The following TTLL6 variants were observed in gnomAD, a reference collection of about 807,000 sequenced individuals.
TTLL6 encodes the protein tubulin tyrosine ligase like 6.
A neutral mutation model predicts 96.4 loss-of-function variants in TTLL6; 75 were observed. The ratio of observed to expected loss-of-function variants is 0.78; its 90% CI spans 0.65 to 0.94. TTLL6 has a LOEUF of 0.94. TTLL6 is among the 40% of genes least tolerant of loss of function. The probability of loss-of-function intolerance (pLI) is 0.00; values close to 1 mark genes in which losing one functional copy is unlikely to be tolerated. For synonymous variants in TTLL6, 411 were observed against 419.4 expected (o/e 0.98, Z 0.24); for missense variants, 1,030 against 1,093.0 (o/e 0.94, Z 0.81).
intron 1 of TTLL6, among the ~76,000 whole-genome samples, chr17:48,810,134 T>G (rs2039558471): frequency 7.9e-6 from 1 of 127,388 alleles, no homozygotes; most frequent in African/African-American, 3.1e-5. Context: ...AGCGAAACTC[T>G]GTCTCAAAAA....
At chr17:48,803,550 T>C (rs964812940) in intron 3 of TTLL6, among the ~76,000 whole-genome samples, 1 of 150,936 alleles carries the variant, frequency 6.6e-6, no homozygotes, top group East Asian at 1.9e-4. Flanking sequence ...AATAGGTCTG[T>C]AGATCAGATT....
Position 48,808,800 on chromosome 17 carries a change from A to T in TTLL6, c.104-3809T>A, listed in dbSNP as rs962597673. ...TGGCCAGCCTGGTCTCAAACTCCTGACCTCAAACGATCTGCCCGCCTCGGC... is the reference window on the plus strand; with the variant it reads ...TGGCCAGCCTGGTCTCAAACTCCTGTCCTCAAACGATCTGCCCGCCTCGGC... On this transcript the variant is annotated intron_variant, in intron 1 of 15. Transcript: ENST00000393382. Among the ~76,000 whole-genome samples, 4 of 151,904 alleles carry T rather than the reference A, an allele frequency of 2.6e-5. No homozygotes were observed. The South Asian group carries it at 6.2e-4, about 24-fold the overall frequency.
intron 13 of TTLL6, among the ~76,000 whole-genome samples, chr17:48,783,861 A>C (rs778132944): frequency 6.6e-6 from 1 of 151,678 alleles, no homozygotes. Flanking sequence ...TTAAGTCTAC[A>C]ATGGGGGTCT....
intron 7 of TTLL6, among the ~76,000 whole-genome samples, chr17:48,796,731 T>A (rs1042118695): frequency 6.6e-6 from 1 of 152,104 alleles, no homozygotes. Context: ...GGGTTGCTCA[T>A]CCACGGCCTT....
chr17:48,775,960 T>G (rs760110477), intron 13 of TTLL6, among the ~76,000 whole-genome samples: 3 of 152,154 alleles, frequency 2.0e-5, no homozygotes, highest in Non-Finnish European at 4.4e-5. Flanking sequence ...TAGTAAAAGA[T>G]TGAATGTTTC....
At chr17:48,770,936 C>CA (rs66852497) in intron 13 of TTLL6, among the ~76,000 whole-genome samples, 3,373 of 150,078 alleles carry the variant, frequency 0.022, 113 homozygotes, top group African/African-American at 0.075. Flanking sequence ...AACAAAGAAA[C>CA]AAAAAAAAAC....
intron 1 of TTLL6, among the ~76,000 whole-genome samples, chr17:48,805,372 G>C (rs934358496): frequency 6.6e-6 from 1 of 152,204 alleles, no homozygotes; most frequent in African/African-American, 2.4e-5. Context: ...GCAGGTGGAG[G>C]TGCTTTGAGG....
chr17:48,781,761 A>G (rs1290074834), intron 13 of TTLL6, among the ~76,000 whole-genome samples: 2 of 152,166 alleles, frequency 1.3e-5, no homozygotes, highest in Non-Finnish European at 2.9e-5. Flanking sequence ...CCCCAAGGTG[A>G]CGGTAATAAG....
intron 1 of TTLL6, among the ~76,000 whole-genome samples, chr17:48,808,130 G>A (rs1363043311): frequency 6.6e-6 from 1 of 152,180 alleles, no homozygotes; most frequent in Non-Finnish European, 1.5e-5. Flanking sequence ...GAGCCACCGC[G>A]CCCGGCCATT....
rs139242940 is a variant in TTLL6, at chr17:48,786,247, C to T, written c.1678G>A (p.Glu560Lys). ...KVEMQGESAG[E>K]QVRKKGMRGW... ...CTCATGCCCTTCTTTCTCACTTGCT[C>T]GCCTGCCGATTCCCCCTGCATCTCT... Residue 560 changes from glutamate to lysine, a missense_variant, in exon 12 of 16, where the codon GAG becomes AAG. Transcript: ENST00000393382. 6.2e-4 allele frequency: 1,004 copies of T among 1,614,202 alleles called. No individual in the cohort carries two copies. The highest frequency in any genetic ancestry group is 7.3e-4 in the Non-Finnish European group (866 of 1,180,036).
At chr17:48,771,237 T>TA (rs1376258733) in intron 13 of TTLL6, among the ~76,000 whole-genome samples, 2 of 152,024 alleles carry the variant, frequency 1.3e-5, no homozygotes, top group Non-Finnish European at 2.9e-5. Flanking sequence ...GGGGACCCAA[T>TA]AAAAAATAGC....
At chr17:48,770,223 G>A in intron 13 of TTLL6, 126 bp from the exon 14 acceptor site, 4 of 1,346,324 alleles carry the variant, frequency 3.0e-6, no homozygotes, top group Non-Finnish European at 3.9e-6. Flanking sequence ...CCTCAAATTG[G>A]GCTCAAGTGA....
At chr17:48,785,609 T>A (rs2039076326) in intron 12 of TTLL6, among the ~76,000 whole-genome samples, 1 of 151,558 alleles carries the variant, frequency 6.6e-6, no homozygotes, top group Non-Finnish European at 1.5e-5. Flanking sequence ...TAGAAGAGAG[T>A]GCTAAGCAGA....
At position 48,790,036 on chromosome 17, in the gene TTLL6, T is replaced by A; in HGVS notation, c.1295A>T (p.Asp432Val). 6.2e-7 allele frequency: 1 copy of A among 1,614,160 alleles called. No homozygotes were observed. The highest frequency in any genetic ancestry group is 1.1e-5 in the South Asian group (1 of 91,062). Residue 432 changes from aspartate to valine, a missense_variant, in exon 10 of 16, where the codon GAC becomes GTC. Transcript: ENST00000393382. ...DKEVKDGLLY[D>V]TLVLINLESC... ...TTCCAGGTTGATCAGGACTAAGGTG[T>A]CATACAGCAGACCATCTTTCACCTC...
intron 8 of TTLL6, among the ~76,000 whole-genome samples, chr17:48,794,847 A>G (rs989139421): frequency 6.6e-6 from 1 of 152,126 alleles, no homozygotes; most frequent in Non-Finnish European, 1.5e-5. Context: ...AAAGAGAATG[A>G]GCTCTGGGGT....
At chr17:48,814,405 T>C (rs2039637081) in intron 1 of TTLL6, among the ~76,000 whole-genome samples, 3 of 151,902 alleles carry the variant, frequency 2.0e-5, no homozygotes, top group African/African-American at 7.2e-5. Flanking sequence ...CTTCAGTTTT[T>C]CTTAATGACA....
At chr17:48,794,240 G>A in intron 8 of TTLL6, 1 of 1,614,000 alleles carries the variant, frequency 6.2e-7, no homozygotes, top group South Asian at 1.1e-5. Flanking sequence ...CTCCATCACA[G>A]CCGAGGGCCC....
intron 6 of TTLL6, among the ~76,000 whole-genome samples, chr17:48,798,438 G>A (rs1281364484): frequency 6.6e-6 from 1 of 152,136 alleles, no homozygotes; most frequent in Middle Eastern, 3.4e-3. Context: ...GTGCTGGTGG[G>A]TGCCTGTAAT....
chr17:48,771,247 C>CT (rs1405738286), intron 13 of TTLL6, among the ~76,000 whole-genome samples: 5 of 152,160 alleles, frequency 3.3e-5, no homozygotes, highest in Admixed American at 6.6e-5. Flanking sequence ...TAAAAAATAG[C>CT]ACTGGAGGCT....
Sources: allele counts gnomAD v4.1 joint callset (sites outside exome capture counted in the v4.1 genomes callset), GRCh38; gene constraint gnomAD v4.1.1; transcripts MANE v1.5; gene names NCBI Gene and HGNC (gene_info 2026-07-23, HGNC 2026-07-21).